ATG10: variants seen among roughly 807,000 people sequenced by gnomAD.
ATG10 encodes autophagy related 10.
Under a neutral mutation model 32.1 loss-of-function variants are expected in ATG10, and 30 were observed. That is an observed-to-expected ratio of 0.94 (90% CI 0.70 to 1.27). The LOEUF is 1.27. Ranked by LOEUF, ATG10 falls within the 50% of genes most tolerant of loss-of-function variation. The pLI is 0.00. For missense variants in ATG10, 233 were observed against 262.3 expected, an observed-to-expected ratio of 0.89 and a Z score of 0.77; for synonymous variants, 87 against 91.5, an observed-to-expected ratio of 0.95 and a Z score of 0.28.
At chr5:82,007,536 T>C (rs1762017517) in intron 2 of ATG10, among the ~76,000 whole-genome samples, 1 of 152,176 alleles carries the variant, frequency 6.6e-6, no homozygotes, top group African/African-American at 2.4e-5. Flanking sequence ...CACTGCAGTC[T>C]CCGCCTACTG....
intron 3 of ATG10, among the ~76,000 whole-genome samples, chr5:82,119,663 G>A (rs1354520265): frequency 1.3e-5 from 2 of 152,142 alleles, no homozygotes; most frequent in South Asian, 2.1e-4. Context: ...GTTTCAGCAT[G>A]TTGGCCAGGC....
chr5:82,098,869 C>G (rs933852319), intron 3 of ATG10, among the ~76,000 whole-genome samples: 6 of 152,180 alleles, frequency 3.9e-5, no homozygotes, highest in Non-Finnish European at 7.3e-5. Flanking sequence ...GTCCAACTCA[C>G]CCACAACATT....
chr5:82,088,315 T>G (rs2149790325), intron 3 of ATG10, among the ~76,000 whole-genome samples: 1 of 152,290 alleles, frequency 6.6e-6, no homozygotes, highest in Admixed American at 6.5e-5. Flanking sequence ...AGGTAATCAG[T>G]AAGACTCTTC....
intron 3 of ATG10, among the ~76,000 whole-genome samples, chr5:82,068,254 C>T (rs184890194): frequency 4.6e-5 from 7 of 152,070 alleles, no homozygotes; most frequent in African/African-American, 1.2e-4. Context: ...TGCAGGGACA[C>T]GGACGAAGCT....
chr5:82,003,402 A>T (rs1761904019), intron 2 of ATG10, among the ~76,000 whole-genome samples: 2 of 152,126 alleles, frequency 1.3e-5, no homozygotes, highest in African/African-American at 4.8e-5. Flanking sequence ...AAGTGTACAA[A>T]CTCCAGGTCT....
chr5:82,103,788 A>G (rs1199638632), intron 3 of ATG10, among the ~76,000 whole-genome samples: 1 of 152,070 alleles, frequency 6.6e-6, no homozygotes, highest in Non-Finnish European at 1.5e-5. Context: ...TCACAAAGTG[A>G]TCCCACTCGT....
At chr5:82,166,948 G>A (rs961072174) in intron 4 of ATG10, among the ~76,000 whole-genome samples, 1 of 151,932 alleles carries the variant, frequency 6.6e-6, no homozygotes, top group African/African-American at 2.4e-5. Context: ...TTTTCTCCCT[G>A]TACCTATTTT....
At chr5:82,251,917 C>T (rs1233528822) in intron 5 of ATG10, among the ~76,000 whole-genome samples, 1 of 151,888 alleles carries the variant, frequency 6.6e-6, no homozygotes, top group Non-Finnish European at 1.5e-5. Context: ...TAAAAACAGC[C>T]CTGTAGGCTT....
At chr5:82,040,489 A>G (rs1280372647) in intron 2 of ATG10, among the ~76,000 whole-genome samples, 1 of 152,214 alleles carries the variant, frequency 6.6e-6, no homozygotes, top group Admixed American at 6.5e-5. Flanking sequence ...AAAAATATCA[A>G]TATTTGACTA....
intron 3 of ATG10, 98 bp downstream of exon 3, chr5:82,058,700 G>A: frequency 1.4e-6 from 1 of 718,392 alleles, no homozygotes; most frequent in Non-Finnish European, 2.4e-6. Context: ...TCCTATGGAA[G>A]CACCACAATT....
At chr5:82,177,258 C>T (rs1232349930) in intron 4 of ATG10, among the ~76,000 whole-genome samples, 1 of 152,166 alleles carries the variant, frequency 6.6e-6, no homozygotes, top group Non-Finnish European at 1.5e-5. Context: ...TTTGCACTCA[C>T]ATGGAGAGTA....
intron 2 of ATG10, among the ~76,000 whole-genome samples, chr5:82,038,030 C>G (rs887830812): frequency 1.3e-5 from 2 of 152,154 alleles, no homozygotes; most frequent in Admixed American, 1.3e-4. Context: ...GCAATAGATT[C>G]TGGCTAACCT....
At chr5:82,083,854 AAAACCAC>A (rs1169178954) in intron 3 of ATG10, among the ~76,000 whole-genome samples, 6 of 152,240 alleles carry the variant, frequency 3.9e-5, no homozygotes, top group Non-Finnish European at 8.8e-5. Flanking sequence ...AAAGGTAGAT[AAAACCAC>A]AAAGATGCAG....
chr5:82,012,964 CTTT>C (rs1327668079), intron 2 of ATG10, among the ~76,000 whole-genome samples: 5 of 137,838 alleles, frequency 3.6e-5, no homozygotes, highest in Non-Finnish European at 3.2e-5. Context: ...TTCTTTCATT[CTTT>C]TTTTTTTTTT....
chr5:82,168,711 A>G (rs1743678264), intron 4 of ATG10, among the ~76,000 whole-genome samples: 1 of 152,234 alleles, frequency 6.6e-6, no homozygotes, highest in East Asian at 1.9e-4. Context: ...AGAAATAATC[A>G]AAGAATAGTT....
chr5:81,989,630 G>T (rs191347205), intron 2 of ATG10, among the ~76,000 whole-genome samples: 1 of 150,344 alleles, frequency 6.7e-6, no homozygotes, highest in South Asian at 2.1e-4. Flanking sequence ...GACGAGTCTC[G>T]CTCTGTCGCC....
At chr5:82,229,407 G>T (rs1047365946) in intron 5 of ATG10, among the ~76,000 whole-genome samples, 1 of 152,190 alleles carries the variant, frequency 6.6e-6, no homozygotes, top group Non-Finnish European at 1.5e-5. Context: ...ATATGAGTTT[G>T]ACAGGCACAA....
chr5:82,129,843 G>A (rs1002149216), intron 3 of ATG10, among the ~76,000 whole-genome samples: 5 of 152,194 alleles, frequency 3.3e-5, no homozygotes, highest in East Asian at 3.9e-4. Context: ...TTGAGGAGGC[G>A]GTCTGTCCCT....
intron 3 of ATG10, among the ~76,000 whole-genome samples, chr5:82,086,595 C>G (rs1764703758): frequency 1.3e-5 from 2 of 152,152 alleles, no homozygotes; most frequent in South Asian, 4.1e-4. Context: ...GGTCTTCATT[C>G]TCTAGAGCAC....
Sources: allele counts gnomAD v4.1 joint callset (sites outside exome capture counted in the v4.1 genomes callset), GRCh38; gene constraint gnomAD v4.1.1; transcripts MANE v1.5; gene names NCBI Gene and HGNC (gene_info 2026-07-23, HGNC 2026-07-21).